MVK: variants seen among roughly 807,000 people sequenced by gnomAD.
MVK encodes the protein mevalonate kinase.
In MVK, 34 loss-of-function variants were observed where a neutral mutation model predicts 43.2. The observed-to-expected ratio is 0.79, with a 90% CI of 0.60 to 1.05. MVK has a LOEUF of 1.05. Ranked by LOEUF, MVK falls within the 50% of genes least tolerant of loss-of-function variation. MVK has a pLI of 0.00. For missense variants in MVK, 395 were observed against 504.0 expected, an observed-to-expected ratio of 0.78 and a Z score of 2.07; for synonymous variants, 190 against 219.8, an observed-to-expected ratio of 0.86 and a Z score of 1.20.
intron 5 of MVK, 99 bp from the exon 6 acceptor site, chr12:109,585,923 A>G: frequency 1.1e-6 from 1 of 925,202 alleles, no homozygotes; most frequent in Non-Finnish European, 1.8e-6. Flanking sequence ...CAAGGGCCCA[A>G]GCTCCTATGC....
Position 109,596,548 on chromosome 12 carries a change from C to T in MVK, c.1162C>T (p.Arg388Ter), listed in dbSNP as rs104895360. ...SIHSATSLDSRVQQALDGL is the reference protein window; with the variant it reads ...SIHSATSLDS ...CCACTCAGCCACCTCCCTGGACAGC[C>T]GAGTCCAGCAAGCCCTGGATGGCCT... Residue 388 changes from arginine to a stop codon, truncating the protein, a stop_gained, in exon 11 of 11, where the codon CGA becomes TGA. Transcript: ENST00000228510. LOFTEE classifies it high-confidence loss of function. 35 of 1,611,528 alleles carry T rather than the reference C, an allele frequency of 2.2e-5. No homozygotes were observed. The highest frequency in any genetic ancestry group is 2.7e-5 in the Non-Finnish European group (32 of 1,179,966).
At chr12:109,579,373 C>T in intron 3 of MVK, 1 of 352,780 alleles carries the variant, frequency 2.8e-6, no homozygotes. Context: ...CTCCTAGGCA[C>T]AAGTGATCTG....
Position 109,596,650 on chromosome 12 carries a change from T to G in MVK, c.*73T>G. 1 of 1,575,724 alleles carries G rather than the reference T, an allele frequency of 6.3e-7. No individual in the cohort carries two copies. The highest frequency in any genetic ancestry group is 8.6e-7 in the Non-Finnish European group (1 of 1,164,918). ...TATTCTGGGGGCTGCAGTTCGACTCTGTGCTGGCCAGCGAGCGCCCAGCTC... is the reference window on the plus strand; with the variant it reads ...TATTCTGGGGGCTGCAGTTCGACTCGGTGCTGGCCAGCGAGCGCCCAGCTC... On this transcript the variant is annotated 3_prime_UTR_variant, in exon 11 of 11. Transcript: ENST00000228510.
upstream of MVK, chr12:109,573,415 G>C (rs765869812): frequency 5.6e-6 from 9 of 1,610,022 alleles, no homozygotes; most frequent in Admixed American, 1.3e-4. Flanking sequence ...TGGCGGCGCC[G>C]AAGCACCCGC....
rs1055224944 is a variant in MVK at position 109,598,115 on chromosome 12, C to T, written c.*1538C>T. On this transcript the variant is annotated 3_prime_UTR_variant, in exon 11 of 11. Coordinates refer to ENST00000228510, the MANE Select transcript of MVK (RefSeq NM_000431.4). Reference sequence around the variant, plus strand: ...CATAAAGCAGTAATACTAATTAATACTGAACGCTCACTGTGGACTAGGCGT... The same window carrying T: ...CATAAAGCAGTAATACTAATTAATATTGAACGCTCACTGTGGACTAGGCGT... 6.6e-6 allele frequency: 1 copy of T among 152,306 alleles called. No homozygotes were observed. Among genetic ancestry groups the T allele is most frequent in the Non-Finnish European group, 1.5e-5 (1 of 68,072 alleles). 9.4% of individuals were successfully genotyped at this position (152,306 alleles called of 1,614,324 possible).
At position 109,591,337 on chromosome 12, in the gene MVK, G is replaced by C. The variant is rs1406107674; in HGVS notation, c.865G>C (p.Glu289Gln). 1.2e-5 allele frequency: 20 copies of C among 1,614,218 alleles called. No individual in the cohort carries two copies. The highest frequency in any genetic ancestry group is 1.7e-5 in the Non-Finnish European group (20 of 1,180,046). ...AGAGATGGGGGAAGCCCCAGCCCCG[G>C]AGCAGTACCTCGTGCTGGAAGTAAG... ...LGEMGEAPAPEQYLVLEELID... is the reference protein window; with the variant it reads ...LGEMGEAPAPQQYLVLEELID... Residue 289 changes from glutamate to glutamine, a missense_variant, in exon 9 of 11, where the codon GAG becomes CAG. Physicochemically the swap from Glu to Gln is conservative, Grantham distance 29. Transcript: ENST00000228510.
chr12:109,589,845 T>A (rs1265084576), intron 7 of MVK: 1 of 152,238 alleles, frequency 6.6e-6, no homozygotes, highest in Non-Finnish European at 1.5e-5. Flanking sequence ...GCAAGAAATG[T>A]CAGCTTGAGC....
chr12:109,593,171 C>T lies in MVK; in HGVS notation c.885+1814C>T, dbSNP rs190771959. Among the ~76,000 whole-genome samples the T allele has an allele frequency of 2.6e-5, 4 of 152,368 alleles. No homozygotes were observed. In the South Asian group the frequency reaches 6.2e-4, roughly 24 times the overall value. ...GGCAACGTGACACCTGGTGCTCAGG[C>T]GCAGAGAGCGGCCCCCAGAAGTCTT... On this transcript the variant is annotated intron_variant, in intron 9 of 10. Transcript: ENST00000228510.
intron 7 of MVK, 26 bp downstream of exon 7, chr12:109,586,825 T>G (rs1003874826): frequency 1.2e-6 from 2 of 1,613,232 alleles, no homozygotes; most frequent in African/African-American, 2.7e-5. Flanking sequence ...AGCAGCACAT[T>G]CAGCCATGGC....
At chr12:109,578,108 G>A (rs73198430) in intron 3 of MVK, among the ~76,000 whole-genome samples, 8,138 of 152,240 alleles carry the variant, frequency 0.053, 302 homozygotes, top group Non-Finnish European at 0.082. Context: ...GACGACACTG[G>A]AGGCAGGCAT....
intron 5 of MVK, among the ~76,000 whole-genome samples, chr12:109,582,197 A>G (rs1039306831): frequency 6.6e-6 from 1 of 152,226 alleles, no homozygotes; most frequent in African/African-American, 2.4e-5. Flanking sequence ...CCCAGTGCGC[A>G]GAGGTTACGC....
chr12:109,585,261 A>G lies in MVK; in HGVS notation c.528-761A>G, dbSNP rs544565162. Among the ~76,000 whole-genome samples, 35 of 152,268 alleles carry G rather than the reference A, an allele frequency of 2.3e-4. No homozygotes were observed. The South Asian group carries it at 6.9e-3, about 30-fold the overall frequency. Reference sequence around the variant, plus strand: ...TTGGATCTACTTGCAGGGCCCTGGGAAAGAGTCACACCTCTGCCCGTTCTT... The same window carrying G: ...TTGGATCTACTTGCAGGGCCCTGGGGAAGAGTCACACCTCTGCCCGTTCTT... On this transcript the variant is annotated intron_variant, in intron 5 of 10. Transcript: ENST00000228510.
At chr12:109,591,444 C>A in intron 9 of MVK, 87 bp downstream of exon 9, 1 of 1,306,886 alleles carries the variant, frequency 7.7e-7, no homozygotes, top group Non-Finnish European at 1.1e-6. Context: ...TGCTCAGAAT[C>A]CCCCGGAAGC....
rs751452740 is a variant in MVK, at chr12:109,574,910, C to T, written c.78+10C>T. On this transcript the variant is annotated intron_variant, in intron 2 of 10. Transcript: ENST00000228510. ...CGTGGTACATGGCAAGGTACAAAGC[C>T]GTTAGAGCCTTTAAGGATTGGGTAC... The T allele has an allele frequency of 1.5e-5, 24 of 1,603,644 alleles. No individual in the cohort carries two copies. Among genetic ancestry groups the T allele is most frequent in the Non-Finnish European group, 2.0e-5 (24 of 1,174,792 alleles).
chr12:109,594,097 C>CA (rs35743259), intron 9 of MVK, among the ~76,000 whole-genome samples: 1,550 of 151,900 alleles, frequency 0.01, 9 homozygotes, highest in Non-Finnish European at 0.017. Flanking sequence ...GACACACGAC[C>CA]AAAAAGGGGC....
rs1306110307 is a variant in MVK at position 109,597,307 on chromosome 12, C to T, written c.*730C>T. 6.5e-6 allele frequency: 1 copy of T among 153,532 alleles called. No individual in the cohort carries two copies. The highest frequency in any genetic ancestry group is 1.4e-5 in the Non-Finnish European group (1 of 69,056). 9.5% of individuals were successfully genotyped at this position (153,532 alleles called of 1,614,324 possible). A position where few individuals can be genotyped will look rare whatever the true frequency, so the allele number is the denominator to read the frequency against. On this transcript the variant is annotated 3_prime_UTR_variant, in exon 11 of 11. Transcript: ENST00000228510. ...CAGCACCTCCCTCTGTCCCTGTCCC[C>T]TCTCCAGCTGTTTCCTCCATGGAGC...
chr12:109,594,278 A>AT (rs1025717454), intron 9 of MVK, among the ~76,000 whole-genome samples: 2 of 152,038 alleles, frequency 1.3e-5, no homozygotes, highest in Non-Finnish European at 2.9e-5. Flanking sequence ...GTGAAGTTTT[A>AT]TTTTTTCATC....
chr12:109,579,680 C>T (rs962415028), intron 3 of MVK, 122 bp from the exon 4 acceptor site: 1 of 1,360,804 alleles, frequency 7.3e-7, no homozygotes, highest in Non-Finnish European at 1.0e-6. Flanking sequence ...GGGTTCAGAC[C>T]ATAAATTCGT....
In MVK at chr12:109,593,126, AG is replaced by A. The variant is rs927643785; in HGVS notation, c.885+1771del. ...GACAGATTTTGGATCAGAATGTGAC[AG>A]GTGTCTGGAACCTGCCTCGGCAACG... On this transcript the variant is annotated intron_variant, in intron 9 of 10. Transcript: ENST00000228510. Among the ~76,000 whole-genome samples the A allele has an allele frequency of 4.2e-4, 64 of 152,352 alleles. 1 individual carries two copies. The highest frequency in any genetic ancestry group is 3.5e-3 in the Admixed American group (54 of 15,310).
Sources: gnomAD v4.1 joint callset for allele counts (sites outside exome capture counted in the v4.1 genomes callset) on GRCh38, gnomAD v4.1.1 for gene constraint, MANE v1.5 for transcripts, NCBI Gene and HGNC (gene_info 2026-07-23, HGNC 2026-07-21) for gene names.